The following AEBP1 variants were observed in gnomAD, a reference collection of about 807,000 sequenced individuals.
AEBP1 encodes AE binding protein 1.
Under a neutral mutation model 116.5 loss-of-function variants are expected in AEBP1, and 69 were observed. The observed-to-expected ratio is 0.59, with a 90% CI of 0.49 to 0.72. AEBP1 has a LOEUF of 0.72. Ranked by LOEUF, AEBP1 falls within the 30% of genes least tolerant of loss-of-function variation. AEBP1 has a pLI of 0.00. For synonymous variants in AEBP1, 627 were observed against 627.3 expected (o/e 1.00, Z 0.01); for missense variants, 1,444 against 1,557.5 (o/e 0.93, Z 1.23).
chr7:44,111,002 C>G lies in AEBP1; in HGVS notation c.1575C>G (p.Leu525=), dbSNP rs75738447. 399 of 1,613,924 alleles carry G rather than the reference C, an allele frequency of 2.5e-4. 1 individual carries two copies. In the African/African-American group the frequency reaches 4.5e-3, roughly 18 times the overall value. ...VVARFIRIYP[L]TWNGSLCMRL... is the part of the protein sequence containing the mutation. ...CTCGTTTCATCCGCATCTACCCACT[C>G]ACCTGGAATGGCAGCCTGTGCATGC... is the stretch of plus-strand genomic sequence containing the variant. The change falls in exon 13 of 21, where the codon CTC becomes CTG. Residue 525 remains leucine, a synonymous_variant. Coordinates refer to ENST00000223357, the MANE Select transcript of AEBP1 (RefSeq NM_001129.5). This position sits in a 1 kb window ranked among gnomAD's most constrained non-coding sequence, Gnocchi z 4.7.
intron 9 of AEBP1, 128 bp downstream of exon 9, chr7:44,109,469 C>T: frequency 4.2e-6 from 5 of 1,183,574 alleles, no homozygotes; most frequent in Non-Finnish European, 5.7e-6. Flanking sequence ...TTCTTGGGAC[C>T]CAGAAGGGAG....
Position 44,113,771 on chromosome 7 carries a change from TGAACGG to T in AEBP1, c.2992_2997del (p.Gly998_Asn999del). 2 of 1,614,106 alleles carry T rather than the reference TGAACGG, an allele frequency of 1.2e-6. No individual in the cohort carries two copies. The highest frequency in any genetic ancestry group is 1.7e-6 in the Non-Finnish European group (2 of 1,179,978). On this transcript the variant is annotated inframe_deletion, in exon 21 of 21. Coordinates refer to ENST00000223357, the MANE Select transcript of AEBP1 (RefSeq NM_001129.5). This position sits in a 1 kb window ranked among gnomAD's most constrained non-coding sequence, Gnocchi z 5.3. ...AAGCGCATCCGGGAGATCATGGCCA[TGAACGG>T]GAACCGGCCTATCCCACACATAGAC...
Position 44,110,157 on chromosome 7 carries a change from G to A in AEBP1, c.1260+33G>A, listed in dbSNP as rs780588507. On this transcript the variant is annotated intron_variant, in intron 10 of 20. Coordinates refer to ENST00000223357, the MANE Select transcript of AEBP1 (RefSeq NM_001129.5). ...TTGGGATGGGCCCATCTCCCAACTGGGATAAGGGACTCCTCCGCCCATGCT... is the reference window on the plus strand; with the variant it reads ...TTGGGATGGGCCCATCTCCCAACTGAGATAAGGGACTCCTCCGCCCATGCT... 5.0e-6 allele frequency: 8 copies of A among 1,613,062 alleles called. No individual in the cohort carries two copies. In the East Asian group the frequency reaches 1.8e-4, roughly 36 times the overall value.
chr7:44,104,489 T>A lies in AEBP1; in HGVS notation c.-177T>A. 2 of 410,914 alleles carry A rather than the reference T, an allele frequency of 4.9e-6. No individual in the cohort carries two copies. Among genetic ancestry groups the A allele is most frequent in the Middle Eastern group, 6.3e-4 (1 of 1,590 alleles). 25.5% of individuals were successfully genotyped at this position (410,914 alleles called of 1,614,324 possible). A position where few individuals can be genotyped will look rare whatever the true frequency, so the allele number is the denominator to read the frequency against. ...CCCCAGCACCCCTTCCCGGGTCCCC[T>A]CGCCCACCCTAATCCACTCTCCCTC... On this transcript the variant is annotated 5_prime_UTR_variant, in exon 1 of 21. Transcript: ENST00000223357.
At position 44,109,052 on chromosome 7, in the gene AEBP1, G is replaced by A; in HGVS notation, c.1019-55G>A. 3.1e-6 allele frequency: 5 copies of A among 1,611,500 alleles called. No individual in the cohort carries two copies. The South Asian group carries it at 4.4e-5, about 14-fold the overall frequency. On this transcript the variant is annotated intron_variant, in intron 7 of 20. Transcript: ENST00000223357. ...GGGGCCTGCCTGATCCACCCCACAT[G>A]GTCCTCAAAGCCCAGAGCCAGGCTG... is the stretch of plus-strand genomic sequence containing the variant.
In AEBP1 at chr7:44,108,481, C is replaced by T. The variant is rs1029207547; in HGVS notation, c.940+397C>T. ...CTCCCTGTTGCTCATGCCCCTGCGT[C>T]CCTGGAGCCCTCAGGTTCCCTTTCC... On this transcript the variant is annotated intron_variant, in intron 6 of 20. Coordinates refer to ENST00000223357, the MANE Select transcript of AEBP1 (RefSeq NM_001129.5). This position sits in a 1 kb window ranked among gnomAD's most constrained non-coding sequence, Gnocchi z 5.0. 1.3e-5 allele frequency among the ~76,000 whole-genome samples: 2 copies of T among 152,154 alleles called. No homozygotes were observed. Among genetic ancestry groups the T allele is most frequent in the Non-Finnish European group, 2.9e-5 (2 of 68,014 alleles).
Position 44,111,781 on chromosome 7 carries a change from T to A in AEBP1, c.1841-73T>A. On this transcript the variant is annotated intron_variant, in intron 15 of 20. Transcript: ENST00000223357. The surrounding 1 kb of genome is among the most constrained non-coding windows in gnomAD (Gnocchi z 4.7). ...GTCCCCCAGACCCTCGGGTATGAGGTGGGTCTGGGTCCTTCCTCAGCTGCC... is the reference window on the plus strand; with the variant it reads ...GTCCCCCAGACCCTCGGGTATGAGGAGGGTCTGGGTCCTTCCTCAGCTGCC... The A allele has an allele frequency of 6.5e-7, 1 of 1,535,284 alleles. No individual in the cohort carries two copies. Among genetic ancestry groups the A allele is most frequent in the East Asian group, 2.4e-5 (1 of 42,364 alleles).
rs1031972849 is a variant in AEBP1 at position 44,104,745 on chromosome 7, C to T, written c.80C>T (p.Thr27Met). ...CTGTGCCCTGGAGGGCGCCCGCAGA[C>T]GGTGCTGACCGACGACGAGATCGAG... ...LALCPGGRPQ[T>M]VLTDDEIEEF... Residue 27 changes from threonine (T) to methionine (M), a missense_variant, in exon 1 of 21, where the codon ACG becomes ATG. Coordinates refer to ENST00000223357, the MANE Select transcript of AEBP1 (RefSeq NM_001129.5). 10 of 1,611,388 alleles carry T rather than the reference C, an allele frequency of 6.2e-6. No individual in the cohort carries two copies. In the African/African-American group the frequency reaches 6.7e-5, roughly 11 times the overall value.
Position 44,106,577 on chromosome 7 carries a change from G to A in AEBP1, c.285G>A (p.Lys95=). ...VPPEKTKDKG[K]KGKKDKGPKV... ...CGGAAAAGACCAAAGACAAAGGGAA[G>A]AAAGGCAAGAAAGACAAAGGCCCCA... The change falls in exon 2 of 21, where the codon AAG becomes AAA. Residue 95 remains lysine (K), a synonymous_variant. Transcript: ENST00000223357. The A allele has an allele frequency of 1.2e-6, 2 of 1,606,630 alleles. No homozygotes were observed. Among genetic ancestry groups the A allele is most frequent in the Non-Finnish European group, 8.5e-7 (1 of 1,177,960 alleles).
In AEBP1 at chr7:44,107,111, A is replaced by G. The variant is rs1420074364; in HGVS notation, c.595+224A>G. Among the ~76,000 whole-genome samples, 2 of 152,038 alleles carry G rather than the reference A, an allele frequency of 1.3e-5. No individual in the cohort carries two copies. The highest frequency in any genetic ancestry group is 2.9e-5 in the Non-Finnish European group (2 of 67,994). On this transcript the variant is annotated intron_variant, in intron 2 of 20. Coordinates refer to ENST00000223357, the MANE Select transcript of AEBP1 (RefSeq NM_001129.5). The surrounding 1 kb of genome is among the most constrained non-coding windows in gnomAD (Gnocchi z 4.3). ...AGGGCTTGGCAGCCTTTTGGGTGGG[A>G]CCTCTGTCCCTCAGGCCCCTGCCCA...
intron 9 of AEBP1, 52 bp from the exon 10 acceptor site, chr7:44,109,963 T>C (rs1376235820): frequency 7.8e-6 from 12 of 1,529,934 alleles, no homozygotes; most frequent in African/African-American, 1.4e-5. Flanking sequence ...CTGGGTTTGG[T>C]GGAGGGAAGG....
rs769951739 is a variant in AEBP1 at position 44,113,821 on chromosome 7, C to T, written c.3037C>T (p.Pro1013Ser). ...CATAGACCCATCGCGCCCTATGACC[C>T]CCCAACAGCGACGCCTGCAGCAGCG... ...PHIDPSRPMT[P>S]QQRRLQQRRL... is the part of the protein sequence containing the mutation. The change falls in exon 21 of 21, where the codon CCC becomes TCC. Residue 1013 changes from proline to serine, a missense_variant. Transcript: ENST00000223357. The surrounding 1 kb of genome is among the most constrained non-coding windows in gnomAD (Gnocchi z 5.3). 6.2e-7 allele frequency: 1 copy of T among 1,614,038 alleles called. No individual in the cohort carries two copies. Among genetic ancestry groups the T allele is most frequent in the South Asian group, 1.1e-5 (1 of 91,088 alleles).
rs1039459540 is a variant in AEBP1 at position 44,112,563 on chromosome 7, C to G, written c.2223C>G (p.Ser741=). The G allele has an allele frequency of 6.3e-7, 1 of 1,582,316 alleles. No homozygotes were observed. The highest frequency in any genetic ancestry group is 1.7e-5 in the Admixed American group (1 of 58,370). Residue 741 remains serine (S), a synonymous_variant, in exon 18 of 21, where the codon TCC becomes TCG. Coordinates refer to ENST00000223357, the MANE Select transcript of AEBP1 (RefSeq NM_001129.5). This position sits in a 1 kb window ranked among gnomAD's most constrained non-coding sequence, Gnocchi z 6.6. ...ERYLSPDATV[S]TEVRAIIAWM... is the part of the protein sequence containing the mutation. ...ACACGTGCTGGCCACTCCAGGTATC[C>G]ACGGAGGTCCGGGCCATCATTGCCT... is the stretch of plus-strand genomic sequence containing the variant.
chr7:44,113,515 G>GC lies in AEBP1; in HGVS notation c.2810-79_2810-78insC. 1 of 1,339,894 alleles carries GC rather than the reference G, an allele frequency of 7.5e-7. No homozygotes were observed. Among genetic ancestry groups the GC allele is most frequent in the Admixed American group, 2.8e-5 (1 of 35,888 alleles). 83.0% of individuals were successfully genotyped at this position (1,339,894 alleles called of 1,614,324 possible). On this transcript the variant is annotated intron_variant, in intron 20 of 20. Transcript: ENST00000223357. The surrounding 1 kb of genome is among the most constrained non-coding windows in gnomAD (Gnocchi z 5.3). ...GCGGGAACTCAGAGGGGGAGGGCGGGGCTGGGGGCAGGACTGAGTGGGAGG... is the reference window on the plus strand; with the variant it reads ...GCGGGAACTCAGAGGGGGAGGGCGGGCGCTGGGGGCAGGACTGAGTGGGAGG...
At chr7:44,110,510 G>A (rs2096228070) in intron 11 of AEBP1, among the ~76,000 whole-genome samples, 164 bp downstream of exon 11, 1 of 152,238 alleles carries the variant, frequency 6.6e-6, no homozygotes, top group Admixed American at 6.5e-5. Flanking sequence ...CCTCAGCCTG[G>A]TCAGTCAGCC....
At position 44,113,221 on chromosome 7, in the gene AEBP1, G is replaced by A; in HGVS notation, c.2710-31G>A. ...GCAGCGGACCACATTGGACCTTCCT[G>A]AGGACCAGCAGCCCTCACCTGCTTC... On this transcript the variant is annotated intron_variant, in intron 19 of 20. Coordinates refer to ENST00000223357, the MANE Select transcript of AEBP1 (RefSeq NM_001129.5). The surrounding 1 kb of genome is among the most constrained non-coding windows in gnomAD (Gnocchi z 5.3). 1 of 1,613,474 alleles carries A rather than the reference G, an allele frequency of 6.2e-7. No individual in the cohort carries two copies. Among genetic ancestry groups the A allele is most frequent in the South Asian group, 1.1e-5 (1 of 91,070 alleles).
In AEBP1 at chr7:44,110,945, C is replaced by A; in HGVS notation, c.1518C>A (p.Pro506=). ...TFHGNVDKDT[P]VLSELPEPVV... is the part of the protein sequence containing the mutation. ...ATGGGAACGTGGACAAGGACACACC[C>A]GTGCTGAGTGAGCTCCCAGAGCCGG... Residue 506 remains proline, a synonymous_variant, in exon 13 of 21, where the codon CCC becomes CCA. Coordinates refer to ENST00000223357, the MANE Select transcript of AEBP1 (RefSeq NM_001129.5). 1 of 1,614,040 alleles carries A rather than the reference C, an allele frequency of 6.2e-7. No homozygotes were observed. Among genetic ancestry groups the A allele is most frequent in the East Asian group, 2.2e-5 (1 of 44,888 alleles).
Position 44,104,423 on chromosome 7 carries a change from G to C in AEBP1, c.-243G>C, listed in dbSNP as rs2096220721. ...GCGCCTATTAGCCGCCAGGACCTCG[G>C]AGCGCCCCGACCACCCCTGAGCCCC... On this transcript the variant is annotated 5_prime_UTR_variant, in exon 1 of 21. Transcript: ENST00000223357. The C allele has an allele frequency of 2.8e-6, 1 of 360,222 alleles. No individual in the cohort carries two copies. Among genetic ancestry groups the C allele is most frequent in the African/African-American group, 2.1e-5 (1 of 46,866 alleles). 22.3% of individuals were successfully genotyped at this position (360,222 alleles called of 1,614,324 possible).
chr7:44,112,719 G>C lies in AEBP1; in HGVS notation c.2379G>C (p.Arg793=), dbSNP rs142028646. 6.8e-5 allele frequency: 109 copies of C among 1,613,266 alleles called. No homozygotes were observed. The highest frequency in any genetic ancestry group is 3.3e-4 in the Middle Eastern group (2 of 6,052). ...TGGCCGCAGCCATGGCAGCAGCCCGGGGGGAGGATGAGGACGAGGTCTCCG... is the reference window on the plus strand; with the variant it reads ...TGGCCGCAGCCATGGCAGCAGCCCGCGGGGAGGATGAGGACGAGGTCTCCG... ...QLLAAAMAAA[R]GEDEDEVSEA... is the part of the protein sequence containing the mutation. Residue 793 remains arginine (R), a synonymous_variant, in exon 18 of 21, where the codon CGG becomes CGC. Coordinates refer to ENST00000223357, the MANE Select transcript of AEBP1 (RefSeq NM_001129.5). The surrounding 1 kb of genome is among the most constrained non-coding windows in gnomAD (Gnocchi z 6.6).
Sources: gnomAD v4.1 joint callset for allele counts (sites outside exome capture counted in the v4.1 genomes callset) on GRCh38, gnomAD v4.1.1 for gene constraint, Gnocchi (gnomAD v3.1) non-coding constraint, MANE v1.5 for transcripts, NCBI Gene and HGNC (gene_info 2026-07-23, HGNC 2026-07-21) for gene names.